NIPBL: variants seen among roughly 807,000 people sequenced by gnomAD.
NIPBL encodes nipped-B-like protein.
NIPBL carries 19 observed loss-of-function variants against 321.8 expected under a neutral mutation model. That is an observed-to-expected ratio of 0.06 (90% CI 0.04 to 0.09). The LOEUF (loss-of-function observed/expected upper bound fraction) is 0.09, where lower values mean the gene tolerates loss of function less well. Ranked by LOEUF, NIPBL falls within the 10% of genes least tolerant of loss-of-function variation. NIPBL has a pLI of 1.00. For synonymous variants in NIPBL, 1,106 were observed against 1,114.1 expected, an observed-to-expected ratio of 0.99 and a Z score of 0.14; for missense variants, 2,210 against 3,327.0, an observed-to-expected ratio of 0.66 and a Z score of 8.26.
intron 21 of NIPBL, among the ~76,000 whole-genome samples, chr5:37,012,961 G>A (rs1254852997): frequency 1.3e-5 from 2 of 152,120 alleles, no homozygotes; most frequent in South Asian, 2.1e-4. Context: ...ATCATGGCCC[G>A]TTCTCAATGA....
chr5:36,961,973 G>A lies in NIPBL; in HGVS notation c.459-150G>A, dbSNP rs1329185381. The stretch of plus-strand genomic sequence containing the variant: ...TATGAATTGTGAACAATTTTTGTAT[G>A]TTATTTGACTATTTTGCAAGATTCT... On this transcript the variant is annotated intron_variant, in intron 5 of 46. Transcript: ENST00000282516. 5 of 894,238 alleles carry A rather than the reference G, an allele frequency of 5.6e-6. No homozygotes were observed. In the South Asian group the frequency reaches 6.6e-5, roughly 12 times the overall value. 55.4% of individuals were successfully genotyped at this position (894,238 alleles called of 1,614,324 possible).
chr5:36,953,560 C>G (rs965132008), intron 1 of NIPBL, 58 bp from the exon 2 acceptor site: 1 of 763,898 alleles, frequency 1.3e-6, no homozygotes, highest in South Asian at 1.5e-5. Flanking sequence ...AAGCATTTTC[C>G]TGATAGTAAT....
chr5:37,008,609 T>C lies in NIPBL; in HGVS notation c.4321-14T>C, dbSNP rs1381728083. ...ATTATAAGTTTAACTTGGAATCTTA[T>C]AATTACTAAACAGGTATTCTCAAGA... On this transcript the variant is annotated splice_polypyrimidine_tract_variant and intron_variant, in intron 19 of 46. Transcript: ENST00000282516. 3 of 1,239,478 alleles carry C rather than the reference T, an allele frequency of 2.4e-6. No individual in the cohort carries two copies. Among genetic ancestry groups the C allele is most frequent in the Non-Finnish European group, 3.6e-6 (3 of 840,586 alleles). 76.8% of individuals were successfully genotyped at this position (1,239,478 alleles called of 1,614,324 possible).
At chr5:36,972,840 A>C (rs1743021737) in intron 8 of NIPBL, among the ~76,000 whole-genome samples, 1 of 152,128 alleles carries the variant, frequency 6.6e-6, no homozygotes, top group Admixed American at 6.5e-5. Flanking sequence ...TCTCACGTCT[A>C]CTTTTATCTC....
At chr5:37,014,470 T>C (rs1318307797) in intron 21 of NIPBL, among the ~76,000 whole-genome samples, 1 of 152,198 alleles carries the variant, frequency 6.6e-6, no homozygotes, top group Admixed American at 6.5e-5. Context: ...TACATTATTT[T>C]AATAACACTC....
At chr5:36,950,847 G>A (rs557000529) in intron 1 of NIPBL, among the ~76,000 whole-genome samples, 7 of 152,188 alleles carry the variant, frequency 4.6e-5, no homozygotes, top group African/African-American at 9.6e-5. Flanking sequence ...TCCTAGGAAC[G>A]CTATTTCTTG....
intron 1 of NIPBL, among the ~76,000 whole-genome samples, chr5:36,931,438 C>T (rs1749768688): frequency 1.3e-5 from 2 of 152,038 alleles, no homozygotes; most frequent in African/African-American, 2.4e-5. Flanking sequence ...CCACCTAACC[C>T]TCCTGAGAAA....
intron 20 of NIPBL, among the ~76,000 whole-genome samples, chr5:37,009,287 TG>T (rs1747817866): frequency 6.6e-6 from 1 of 152,032 alleles, no homozygotes; most frequent in Non-Finnish European, 1.5e-5. Flanking sequence ...AGAATAAACA[TG>T]GGGATTAAAT....
chr5:37,051,310 T>TA lies in NIPBL; in HGVS notation c.6955-468dup, dbSNP rs565085599. ...CTAGAAGTACAGTGAATATGACTGTTATCAACTCTCTGTTCCTCAAAGCCA... is the reference window on the plus strand; with the variant it reads ...CTAGAAGTACAGTGAATATGACTGTTAATCAACTCTCTGTTCCTCAAAGCCA... On this transcript the variant is annotated intron_variant, in intron 40 of 46. Coordinates refer to ENST00000282516, the MANE Select transcript of NIPBL (RefSeq NM_133433.4). 6.1e-5 allele frequency: 11 copies of TA among 179,344 alleles called. No homozygotes were observed. The East Asian group carries it at 1.8e-3, about 29-fold the overall frequency. 11.1% of individuals were successfully genotyped at this position (179,344 alleles called of 1,614,324 possible). A position where few individuals can be genotyped will look rare whatever the true frequency, so the allele number is the denominator to read the frequency against.
rs1331720465 is a variant in NIPBL at position 37,049,073 on chromosome 5, G to T, written c.6764-38G>T. The stretch of plus-strand genomic sequence containing the variant: ...AATATTTAGTAAAGTTAGTATAGGT[G>T]CTCTTAATGTGTGTTTATCCTTTGC... On this transcript the variant is annotated intron_variant, in intron 39 of 46. Coordinates refer to ENST00000282516, the MANE Select transcript of NIPBL (RefSeq NM_133433.4). 7 of 1,596,984 alleles carry T rather than the reference G, an allele frequency of 4.4e-6. No homozygotes were observed. The South Asian group carries it at 6.6e-5, about 15-fold the overall frequency.
intron 1 of NIPBL, among the ~76,000 whole-genome samples, chr5:36,933,159 A>G (rs190505233): frequency 5.5e-4 from 84 of 152,258 alleles, no homozygotes; most frequent in African/African-American, 2.0e-3. Flanking sequence ...ATAAGTTTTT[A>G]AAAACATACT....
At position 37,026,237 on chromosome 5, in the gene NIPBL, A is replaced by G; in HGVS notation, c.5718A>G (p.Val1906=). The part of the protein sequence containing the change: ...VNDEEGIKKL[V]NETFQKLWFT... ...ATTTCTCTTCCTTCTAGAAATTAGT[A>G]AATGAAACATTCCAGAAACTCTGGT... Residue 1906 remains valine (V), a synonymous_variant, in exon 31 of 47, where the codon GTA becomes GTG. Coordinates refer to ENST00000282516, the MANE Select transcript of NIPBL (RefSeq NM_133433.4). The G allele has an allele frequency of 6.3e-7, 1 of 1,594,118 alleles. No homozygotes were observed. The highest frequency in any genetic ancestry group is 8.6e-7 in the Non-Finnish European group (1 of 1,162,566).
intron 10 of NIPBL, among the ~76,000 whole-genome samples, chr5:36,991,483 T>C (rs893816154): frequency 6.6e-6 from 1 of 151,994 alleles, no homozygotes; most frequent in African/African-American, 2.4e-5. Context: ...TTTAAAGATA[T>C]TACTGCCACA....
At chr5:36,957,965 A>G in intron 3 of NIPBL, 139 bp from the exon 4 acceptor site, 1 of 743,074 alleles carries the variant, frequency 1.3e-6, no homozygotes, top group South Asian at 1.6e-5. Flanking sequence ...CCTGGGGGAC[A>G]AGAGTGAGAC....
At chr5:37,025,786 G>T (rs916815810) in intron 30 of NIPBL, among the ~76,000 whole-genome samples, 5 of 151,814 alleles carry the variant, frequency 3.3e-5, no homozygotes, top group Non-Finnish European at 5.9e-5. Context: ...TCATAAATGT[G>T]TACAGCTATT....
At chr5:36,997,630 A>G (rs1343125803) in intron 11 of NIPBL, among the ~76,000 whole-genome samples, 3 of 152,290 alleles carry the variant, frequency 2.0e-5, no homozygotes, top group African/African-American at 7.2e-5. Flanking sequence ...AAGAAAGGAA[A>G]GTTTCTCTGG....
At chr5:37,006,724 G>C in intron 17 of NIPBL, 136 bp downstream of exon 17, 1 of 624,470 alleles carries the variant, frequency 1.6e-6, no homozygotes. Context: ...GATTTGACTA[G>C]AATATAGTAC....
chr5:36,982,380 G>A (rs1419027727), intron 9 of NIPBL, among the ~76,000 whole-genome samples: 1 of 151,686 alleles, frequency 6.6e-6, no homozygotes, highest in East Asian at 1.9e-4. Context: ...GTTCATGGTG[G>A]AATTGAATCA....
In NIPBL at chr5:36,889,625, C is replaced by T. The variant is rs894665259; in HGVS notation, c.-80+12447C>T. On this transcript the variant is annotated intron_variant, in intron 1 of 46. Transcript: ENST00000282516. ...AGTATGAAGTTCAGTATCTGAATCT[C>T]TAATAATTAGTTACCTAGCTGTTGA... Among the ~76,000 whole-genome samples, 3 of 152,254 alleles carry T rather than the reference C, an allele frequency of 2.0e-5. No homozygotes were observed. In the South Asian group the frequency reaches 6.2e-4, roughly 32 times the overall value.
Sources: allele counts gnomAD v4.1 joint callset (sites outside exome capture counted in the v4.1 genomes callset), GRCh38; gene constraint gnomAD v4.1.1; transcripts MANE v1.5; gene names NCBI Gene and HGNC (gene_info 2026-07-23, HGNC 2026-07-21).